The following LPP variants were observed in gnomAD, a reference collection of about 807,000 sequenced individuals.
LPP encodes the protein LIM domain containing preferred translocation partner in lipoma.
A neutral mutation model predicts 60.4 loss-of-function variants in LPP; 38 were observed. The observed-to-expected ratio is 0.63, with a 90% confidence interval of 0.49 to 0.83. The LOEUF is 0.83. LPP is among the 40% of genes least tolerant of loss of function. LPP has a pLI of 0.00. For synonymous variants in LPP, 328 were observed against 290.8 expected, an observed-to-expected ratio of 1.13 and a Z score of -1.30; for missense variants, 902 against 783.6, an observed-to-expected ratio of 1.15 and a Z score of -1.80.
chr3:188,544,175 A>C (rs1329156499), intron 6 of LPP, among the ~76,000 whole-genome samples: 1 of 152,172 alleles, frequency 6.6e-6, no homozygotes, highest in Admixed American at 6.5e-5. Context: ...GTGGCTGAAC[A>C]ATGAGTTGGA....
intron 1 of LPP, among the ~76,000 whole-genome samples, chr3:188,215,935 G>A (rs972163256): frequency 3.9e-5 from 6 of 152,218 alleles, no homozygotes; most frequent in East Asian, 1.9e-4. Context: ...AGGGCTGTAC[G>A]CAGCTATGCT....
chr3:188,683,363 C>G (rs1307544573), intron 7 of LPP, among the ~76,000 whole-genome samples: 1 of 152,060 alleles, frequency 6.6e-6, no homozygotes, highest in African/African-American at 2.4e-5. Flanking sequence ...TTGGAGAACC[C>G]TATGTGCTCC....
intron 4 of LPP, among the ~76,000 whole-genome samples, chr3:188,457,887 T>C (rs1205147647): frequency 6.6e-6 from 1 of 151,928 alleles, no homozygotes; most frequent in African/African-American, 2.4e-5. Flanking sequence ...CCAGCCTGGG[T>C]GACAGAGTGA....
rs138062609 is a variant in LPP at position 188,333,246 on chromosome 3, A to T, written c.-66-8417A>T. 6.1e-4 allele frequency among the ~76,000 whole-genome samples: 93 copies of T among 152,316 alleles called. 1 individual carries two copies. Among genetic ancestry groups the T allele is most frequent in the Admixed American group, 1.8e-3 (27 of 15,304 alleles). Reference sequence around the variant, plus strand: ...GATAGATATTAGCACAACAATTGGCACTGAGTAATTATATTTGGAGAATTT... The same window carrying T: ...GATAGATATTAGCACAACAATTGGCTCTGAGTAATTATATTTGGAGAATTT... On this transcript the variant is annotated intron_variant, in intron 2 of 11. Transcript: ENST00000617246.
chr3:188,170,618 A>C (rs1211641682), intron 1 of LPP, among the ~76,000 whole-genome samples: 1 of 151,970 alleles, frequency 6.6e-6, no homozygotes, highest in African/African-American at 2.4e-5. Flanking sequence ...GGTGTGAGCC[A>C]CCATGCCCAG....
chr3:188,488,376 G>A (rs1807243281), intron 5 of LPP, among the ~76,000 whole-genome samples: 1 of 140,016 alleles, frequency 7.1e-6, no homozygotes, highest in Non-Finnish European at 1.6e-5. Flanking sequence ...TTTCATGTGG[G>A]AAGATGCAAC....
At chr3:188,443,930 A>G (rs1045203225) in intron 4 of LPP, among the ~76,000 whole-genome samples, 4 of 152,204 alleles carry the variant, frequency 2.6e-5, no homozygotes, top group African/African-American at 7.2e-5. Context: ...CTCTCATTCA[A>G]TAAAGGATGG....
At chr3:188,324,542 C>T (rs1390634509) in intron 2 of LPP, among the ~76,000 whole-genome samples, 1 of 152,216 alleles carries the variant, frequency 6.6e-6, no homozygotes, top group East Asian at 1.9e-4. Context: ...TTCTCCTGCT[C>T]AGAGTACATG....
chr3:188,434,598 A>G (rs1189800657), intron 4 of LPP, among the ~76,000 whole-genome samples: 1 of 152,240 alleles, frequency 6.6e-6, no homozygotes, highest in Non-Finnish European at 1.5e-5. Context: ...TCATCTGCCA[A>G]GTAGATGTAT....
At chr3:188,503,195 T>A (rs1238595366) in intron 5 of LPP, among the ~76,000 whole-genome samples, 1 of 152,134 alleles carries the variant, frequency 6.6e-6, no homozygotes, top group African/African-American at 2.4e-5. Context: ...CCTAACGTTA[T>A]AACACTCTAA....
Position 188,450,784 on chromosome 3 carries a change from A to G in LPP, c.194-33808A>G, listed in dbSNP as rs1796410419. 2.6e-5 allele frequency among the ~76,000 whole-genome samples: 4 copies of G among 151,910 alleles called. No individual in the cohort carries two copies. The South Asian group carries it at 8.3e-4, about 31-fold the overall frequency. ...AATCTATTTACATTGCAGCTCCTTT[A>G]GGAGGTTTACTACTTGTAATACTGT... On this transcript the variant is annotated intron_variant, in intron 4 of 11. Transcript: ENST00000617246.
intron 9 of LPP, among the ~76,000 whole-genome samples, chr3:188,865,673 C>G (rs1254929297): frequency 3.9e-5 from 5 of 129,644 alleles, no homozygotes; most frequent in Non-Finnish European, 6.4e-5. Context: ...TCAAATCCAG[C>G]CCATTGTCTG....
chr3:188,648,369 G>A (rs1326412156), intron 7 of LPP, among the ~76,000 whole-genome samples: 7 of 152,128 alleles, frequency 4.6e-5, no homozygotes, highest in African/African-American at 1.7e-4. Context: ...GCTCACAGAG[G>A]TTTACATAAT....
chr3:188,430,756 C>CA (rs1578838252), intron 4 of LPP, among the ~76,000 whole-genome samples: 1 of 152,096 alleles, frequency 6.6e-6, no homozygotes. Flanking sequence ...ACTGAAAGCC[C>CA]AATAGTAAGG....
intron 7 of LPP, among the ~76,000 whole-genome samples, chr3:188,634,929 T>A (rs1182859750): frequency 6.6e-6 from 1 of 152,146 alleles, no homozygotes; most frequent in African/African-American, 2.4e-5. Flanking sequence ...ACCACAGAAC[T>A]GGTCCCTGAT....
At chr3:188,195,349 G>A (rs78111150) in intron 1 of LPP, among the ~76,000 whole-genome samples, 24 of 152,170 alleles carry the variant, frequency 1.6e-4, no homozygotes, top group East Asian at 5.8e-4. Context: ...AACTTACGCC[G>A]TTAATATTAA....
intron 1 of LPP, among the ~76,000 whole-genome samples, chr3:188,170,310 G>T (rs1721182158): frequency 6.8e-6 from 1 of 147,984 alleles, no homozygotes; most frequent in Non-Finnish European, 1.5e-5. Context: ...GGGAGTCTCA[G>T]TTTCTTTTCT....
At chr3:188,727,108 A>C (rs1401857778) in intron 8 of LPP, among the ~76,000 whole-genome samples, 1 of 152,192 alleles carries the variant, frequency 6.6e-6, no homozygotes, top group Non-Finnish European at 1.5e-5. Flanking sequence ...TCACCATCCC[A>C]GAAAAGCCCA....
In LPP at chr3:188,248,497, T is replaced by TATATATATATATATATATATAC. The variant is rs1288280759; in HGVS notation, c.-67+22971_-67+22972insTATATATATATATATATATACA. Among the ~76,000 whole-genome samples, 44 of 140,702 alleles carry TATATATATATATATATATATAC rather than the reference T, an allele frequency of 3.1e-4. 1 individual carries two copies. The highest frequency in any genetic ancestry group is 9.2e-4 in the South Asian group (4 of 4,340). 92.3% of individuals were successfully genotyped at this position (140,702 alleles called of 152,430 possible). ...ATATATATATATATATATATATATA[T>TATATATATATATATATATATAC]ACAGTCAGCAGAGCTTGTTTTGGAA... On this transcript the variant is annotated intron_variant, in intron 2 of 11. Transcript: ENST00000617246.
Sources: gnomAD v4.1 joint callset for allele counts (sites outside exome capture counted in the v4.1 genomes callset) on GRCh38, gnomAD v4.1.1 for gene constraint, MANE v1.5 for transcripts, NCBI Gene and HGNC (gene_info 2026-07-23, HGNC 2026-07-21) for gene names.